SMC5: variants seen among roughly 807,000 people sequenced by gnomAD.
SMC5 encodes the protein structural maintenance of chromosomes 5.
SMC5 carries 88 observed loss-of-function variants against 148.3 expected under a neutral mutation model. That is an observed-to-expected ratio of 0.59 (90% CI 0.50 to 0.71). SMC5 has a LOEUF of 0.71. SMC5 is among the 30% of genes least tolerant of loss of function. The pLI is 0.00. For synonymous variants in SMC5, 421 were observed against 432.8 expected, an observed-to-expected ratio of 0.97 and a Z score of 0.34; for missense variants, 1,142 against 1,298.9, an observed-to-expected ratio of 0.88 and a Z score of 1.86.
At chr9:70,351,873 C>T (rs942117174) in intron 24 of SMC5, among the ~76,000 whole-genome samples, 3 of 151,972 alleles carry the variant, frequency 2.0e-5, no homozygotes, top group Non-Finnish European at 2.9e-5. Flanking sequence ...GTCAGGAGTT[C>T]GAGACCAGCC....
At position 70,305,488 on chromosome 9, in the gene SMC5, C is replaced by CT. The variant is rs1297102755; in HGVS notation, c.1578+129dup. The CT allele has an allele frequency of 2.0e-5, 12 of 585,746 alleles. No homozygotes were observed. The African/African-American group carries it at 2.1e-4, about 10-fold the overall frequency. 36.3% of individuals were successfully genotyped at this position (585,746 alleles called of 1,614,324 possible). On this transcript the variant is annotated intron_variant, in intron 11 of 24. Transcript: ENST00000361138. ...CAGTTCACTCTCATGCAAAATCACT[C>CT]TGTTTTGCTAATTTCTTTCCTATTT... is the stretch of plus-strand genomic sequence containing the variant.
chr9:70,275,966 C>T (rs888577375), intron 3 of SMC5, among the ~76,000 whole-genome samples: 1 of 152,058 alleles, frequency 6.6e-6, no homozygotes, highest in Non-Finnish European at 1.5e-5. Flanking sequence ...ATGTTATTTC[C>T]GCTAGTGTTC....
chr9:70,303,424 TA>T (rs2035414809), intron 10 of SMC5, among the ~76,000 whole-genome samples: 1 of 152,172 alleles, frequency 6.6e-6, no homozygotes, highest in Non-Finnish European at 1.5e-5. Flanking sequence ...TTTCTTCCAA[TA>T]AAGTAATTTA....
At chr9:70,345,845 C>G (rs1487890989) in intron 18 of SMC5, among the ~76,000 whole-genome samples, 1 of 152,000 alleles carries the variant, frequency 6.6e-6, no homozygotes, top group Non-Finnish European at 1.5e-5. Context: ...AGCAGTGAAA[C>G]CATTTAGAAG....
rs534575931 is a variant in SMC5, at chr9:70,270,987, A to G, written c.380+3012A>G. On this transcript the variant is annotated intron_variant, in intron 3 of 24. Transcript: ENST00000361138. Reference sequence around the variant, plus strand: ...ACAGGCTGAGTATCCCTTATCTGCAACACTTGGGACCAGAAGTGTTTTGGA... The same window carrying G: ...ACAGGCTGAGTATCCCTTATCTGCAGCACTTGGGACCAGAAGTGTTTTGGA... Among the ~76,000 whole-genome samples, 4 of 152,250 alleles carry G rather than the reference A, an allele frequency of 2.6e-5. No individual in the cohort carries two copies. The South Asian group carries it at 6.2e-4, about 24-fold the overall frequency.
chr9:70,344,390 T>C (rs183723843), intron 18 of SMC5, 121 bp downstream of exon 18: 471 of 544,394 alleles, frequency 8.7e-4, no homozygotes, highest in Admixed American at 1.5e-3. Flanking sequence ...AGGGAGTTTT[T>C]CCACATTTTT....
chr9:70,264,928 G>A (rs1434593102), intron 2 of SMC5, among the ~76,000 whole-genome samples: 1 of 152,178 alleles, frequency 6.6e-6, no homozygotes, highest in African/African-American at 2.4e-5. Context: ...TGTAGAGCAT[G>A]TTACTGTACT....
At chr9:70,322,941 G>T (rs901971849) in intron 15 of SMC5, among the ~76,000 whole-genome samples, 5 of 151,980 alleles carry the variant, frequency 3.3e-5, no homozygotes, top group African/African-American at 1.2e-4. Context: ...ATGTTATTTC[G>T]CTTTACCCAT....
At chr9:70,259,721 C>T (rs1397089730) in intron 1 of SMC5, among the ~76,000 whole-genome samples, 1 of 151,956 alleles carries the variant, frequency 6.6e-6, no homozygotes, top group Non-Finnish European at 1.5e-5. Flanking sequence ...AAAGGTTGTT[C>T]GGGAATGGAG....
chr9:70,324,201 A>G, intron 17 of SMC5, 58 bp downstream of exon 17: 1 of 1,519,516 alleles, frequency 6.6e-7, no homozygotes, highest in South Asian at 1.3e-5. Flanking sequence ...TGGTTTGAAA[A>G]TATATATCGT....
At chr9:70,328,055 A>G (rs2036126693) in intron 17 of SMC5, among the ~76,000 whole-genome samples, 1 of 152,126 alleles carries the variant, frequency 6.6e-6, no homozygotes, top group Non-Finnish European at 1.5e-5. Flanking sequence ...AAGAACTACA[A>G]GGGGAATCCG....
At chr9:70,315,313 G>T in intron 12 of SMC5, 133 bp from the exon 13 acceptor site, 2 of 327,596 alleles carry the variant, frequency 6.1e-6, no homozygotes, top group Non-Finnish European at 5.0e-6. Flanking sequence ...AAATATAAAA[G>T]AAAAAAGACT....
At position 70,315,523 on chromosome 9, in the gene SMC5, A is replaced by G. The variant is rs745883002; in HGVS notation, c.1751A>G (p.Tyr584Cys). The change falls in exon 13 of 25, where the codon TAT becomes TGT. Residue 584 changes from tyrosine to cysteine, a missense_variant. Tyr to Cys is a radical substitution (Grantham distance 194). Around this residue, in one of 5 missense-constraint regions of SMC5, gnomAD observed 743 missense variants for 835.7 expected, o/e 0.89. Coordinates refer to ENST00000361138, the MANE Select transcript of SMC5 (RefSeq NM_015110.4). Reference protein sequence around the residue: ...DPVMSYLCCQYHIHEVPVGTE... With the variant: ...DPVMSYLCCQCHIHEVPVGTE... The stretch of plus-strand genomic sequence containing the variant: ...GTAATGAGTTACCTTTGCTGTCAGT[A>G]TCATATTCATGAAGTTCCTGTAGGA... 5.0e-6 allele frequency: 8 copies of G among 1,597,688 alleles called. No individual in the cohort carries two copies. Among genetic ancestry groups the G allele is most frequent in the South Asian group, 2.3e-5 (2 of 88,738 alleles).
At chr9:70,280,676 A>C (rs1027175861) in intron 5 of SMC5, 83 bp from the exon 6 acceptor site, 1 of 1,320,228 alleles carries the variant, frequency 7.6e-7, no homozygotes, top group East Asian at 2.3e-5. Context: ...AAATTTTGCC[A>C]TCGTTTATTT....
At chr9:70,345,326 C>G (rs972296032) in intron 18 of SMC5, among the ~76,000 whole-genome samples, 6 of 151,956 alleles carry the variant, frequency 3.9e-5, no homozygotes, top group Admixed American at 3.9e-4. Context: ...TCCTTCTCAG[C>G]TGAAACTTAT....
At chr9:70,314,928 C>A in intron 12 of SMC5, 92 bp downstream of exon 12, 1 of 810,372 alleles carries the variant, frequency 1.2e-6, no homozygotes, top group East Asian at 3.0e-5. Flanking sequence ...GTATTATTTC[C>A]TTTTAAGATC....
At position 70,298,003 on chromosome 9, in the gene SMC5, A is replaced by G. The variant is rs1187276623; in HGVS notation, c.1091A>G (p.Asn364Ser). 6.2e-7 allele frequency: 1 copy of G among 1,613,832 alleles called. No homozygotes were observed. ...CAGCAGGCTTTAATAGTAAAGCAAA[A>G]TGAAGAGCTTGACCGACAGAGGAGA... Reference protein sequence around the residue: ...ELQQALIVKQNEELDRQRRIG... With the variant: ...ELQQALIVKQSEELDRQRRIG... Residue 364 changes from asparagine (N) to serine (S), a missense_variant, in exon 9 of 25, where the codon AAT becomes AGT. By Grantham distance (46) the Asn-to-Ser change is conservative. This residue lies in a region of SMC5 where 743 missense variants were observed against 835.7 expected (regional missense o/e 0.89). Coordinates refer to ENST00000361138, the MANE Select transcript of SMC5 (RefSeq NM_015110.4).
At chr9:70,311,928 A>G (rs1362620530) in intron 11 of SMC5, 2 of 151,844 alleles carry the variant, frequency 1.3e-5, no homozygotes, top group Non-Finnish European at 2.9e-5. Flanking sequence ...TTGAAGAGAA[A>G]TGATGTATTA....
At chr9:70,296,300 A>G (rs181399527) in intron 8 of SMC5, among the ~76,000 whole-genome samples, 93 of 152,322 alleles carry the variant, frequency 6.1e-4, no homozygotes, top group African/African-American at 2.0e-3. Context: ...GGCAGATATA[A>G]GTAGGCATTA....
Sources: allele counts gnomAD v4.1 joint callset (sites outside exome capture counted in the v4.1 genomes callset), GRCh38; gene constraint gnomAD v4.1.1; regional missense constraint gnomAD v4.1.1; transcripts MANE v1.5; gene names NCBI Gene and HGNC (gene_info 2026-07-23, HGNC 2026-07-21).